The following NDUFA9 variants were observed in gnomAD, a reference collection of about 807,000 sequenced individuals.
NDUFA9 encodes NADH:ubiquinone oxidoreductase subunit A9, also known as NADH dehydrogenase [ubiquinone] 1 alpha subcomplex subunit 9, mitochondrial.
NDUFA9 carries 23 observed loss-of-function variants against 45.9 expected under a neutral mutation model. The observed-to-expected ratio is 0.50, with a 90% CI of 0.36 to 0.71. The LOEUF (loss-of-function observed/expected upper bound fraction) is 0.71, where lower values mean the gene tolerates loss of function less well. NDUFA9 is among the 30% of genes least tolerant of loss of function. The pLI, the probability that NDUFA9 is intolerant of heterozygous loss-of-function variation, is 0.00. For missense variants in NDUFA9, 466 were observed against 488.2 expected (o/e 0.95, Z 0.43); for synonymous variants, 176 against 170.5 (o/e 1.03, Z -0.25).
intron 6 of NDUFA9, 118 bp from the exon 7 acceptor site, chr12:4,668,339 T>C (rs1591546389): frequency 1.2e-6 from 1 of 815,168 alleles, no homozygotes; most frequent in East Asian, 2.6e-5. Flanking sequence ...TTCCTCAGAG[T>C]CAGCTACATT....
rs1945829343 is a variant in NDUFA9 at position 4,662,570 on chromosome 12, A to G, written c.590A>G (p.Glu197Gly). 1.2e-6 allele frequency: 2 copies of G among 1,613,878 alleles called. No homozygotes were observed. The highest frequency in any genetic ancestry group is 2.7e-5 in the African/African-American group (2 of 74,916). Residue 197 changes from glutamate to glycine, a missense_variant, in exon 6 of 11, where the codon GAA becomes GGA. Transcript: ENST00000266544. ...AAAGTAGTGAGAGATGCATTTCCGG[A>G]AGCCATTATCGTAAAGCCGTCGGAC... ...GEKVVRDAFP[E>G]AIIVKPSDIF...
chr12:4,657,775 A>G lies in NDUFA9; in HGVS notation c.346A>G (p.Ile116Val), dbSNP rs201327321. Residue 116 changes from isoleucine to valine, a missense_variant, in exon 4 of 11, where the codon ATC (isoleucine) becomes GTC (valine). Ile to Val is a conservative substitution (Grantham distance 29). Transcript: ENST00000266544. The part of the protein sequence containing the change: ...LEWDARDKDS[I>V]RRVVQHSNVV... ...ATGGGACGCGAGAGATAAAGATTCT[A>G]TCCGACGAGTAGTACAACACAGCAA... The G allele has an allele frequency of 8.1e-6, 13 of 1,613,664 alleles. No individual in the cohort carries two copies. The highest frequency in any genetic ancestry group is 2.2e-5 in the South Asian group (2 of 91,076).
intron 8 of NDUFA9, among the ~76,000 whole-genome samples, chr12:4,675,820 A>T (rs1178246126): frequency 1.3e-5 from 2 of 152,246 alleles, no homozygotes; most frequent in Non-Finnish European, 2.9e-5. Flanking sequence ...TGAGGCCAGC[A>T]TCATCCTAAT....
rs377339658 is a variant in NDUFA9 at position 4,685,757 on chromosome 12, A to G, written c.963+432A>G. Among the ~76,000 whole-genome samples, 75 of 151,886 alleles carry G rather than the reference A, an allele frequency of 4.9e-4. 1 individual carries two copies. The South Asian group carries it at 0.015, about 31-fold the overall frequency. ...GCTTTTATTCCCATTTCTCCCCTAA[A>G]ATTGCTCTTTTCAAGGTTATCCACA... On this transcript the variant is annotated intron_variant, in intron 10 of 10. Transcript: ENST00000266544.
At chr12:4,677,076 G>A (rs1945924232) in intron 8 of NDUFA9, among the ~76,000 whole-genome samples, 1 of 152,198 alleles carries the variant, frequency 6.6e-6, no homozygotes. Context: ...AATAAATGGT[G>A]TTGGGAAAAC....
intron 1 of NDUFA9, chr12:4,653,673 T>G (rs1486451870): frequency 2.3e-6 from 1 of 439,238 alleles, no homozygotes; most frequent in Non-Finnish European, 4.5e-6. Flanking sequence ...CTTCAGTGGT[T>G]TTATAGTAAG....
intron 8 of NDUFA9, among the ~76,000 whole-genome samples, chr12:4,673,177 A>G (rs1945898101): frequency 6.6e-6 from 1 of 152,198 alleles, no homozygotes; most frequent in African/African-American, 2.4e-5. Context: ...TATCAACATC[A>G]ACAAAAAGGA....
chr12:4,654,901 C>G lies in NDUFA9; in HGVS notation c.297C>G (p.Asp99Glu). The G allele has an allele frequency of 6.2e-7, 1 of 1,613,690 alleles. No individual in the cohort carries two copies. The highest frequency in any genetic ancestry group is 8.5e-7 in the Non-Finnish European group (1 of 1,179,818). ...TCATGCACCTTCGTCCCATGGGTGA[C>G]CTGGGCCAGCTTCTGTTTCTGGTAA... is the stretch of plus-strand genomic sequence containing the variant. ...YDIMHLRPMGDLGQLLFLEWD... is the reference protein window; with the variant it reads ...YDIMHLRPMGELGQLLFLEWD... Residue 99 changes from aspartate to glutamate, a missense_variant, in exon 3 of 11, where the codon GAC (aspartate) becomes GAG (glutamate). Physicochemically the swap from Asp to Glu is conservative, Grantham distance 45. Transcript: ENST00000266544.
chr12:4,688,616 G>A lies in NDUFA9; in HGVS notation c.*1508G>A, dbSNP rs1946001599. ...ATGAGAAGCACTGCCATACAGAAGA[G>A]CTGTATCAGAGTTCAGTGTGATCCC... On this transcript the variant is annotated 3_prime_UTR_variant, in exon 11 of 11. Transcript: ENST00000266544. 1 of 152,164 alleles carries A rather than the reference G, an allele frequency of 6.6e-6. No homozygotes were observed. The highest frequency in any genetic ancestry group is 1.5e-5 in the Non-Finnish European group (1 of 68,046). 9.4% of individuals were successfully genotyped at this position (152,164 alleles called of 1,614,324 possible). A position where few individuals can be genotyped will look rare whatever the true frequency, so the allele number is the denominator to read the frequency against.
intron 6 of NDUFA9, among the ~76,000 whole-genome samples, chr12:4,663,948 G>C (rs1591545066): frequency 6.6e-6 from 1 of 152,252 alleles, no homozygotes; most frequent in South Asian, 2.1e-4. Flanking sequence ...ATAATAAAAT[G>C]GCAAAGAAAT....
At position 4,686,922 on chromosome 12, in the gene NDUFA9, CTT is replaced by C. The variant is rs1454919773; in HGVS notation, c.964-14_964-13del. On this transcript the variant is annotated splice_polypyrimidine_tract_variant and intron_variant, in intron 10 of 10. Transcript: ENST00000266544. ...CCAGTTTTCAGCATTGTCTGTGGTC[CTT>C]TGTTTATCCAAAGATGCACATCACA... 6.2e-7 allele frequency: 1 copy of C among 1,611,962 alleles called. No homozygotes were observed. Among genetic ancestry groups the C allele is most frequent in the Admixed American group, 1.7e-5 (1 of 59,912 alleles).
At chr12:4,659,267 C>T in intron 5 of NDUFA9, 90 bp downstream of exon 5, 1 of 1,173,738 alleles carries the variant, frequency 8.5e-7, no homozygotes, top group South Asian at 1.5e-5. Context: ...GGGTTTATCA[C>T]AGACATATGT....
chr12:4,670,980 T>C (rs963110439), intron 8 of NDUFA9, among the ~76,000 whole-genome samples: 2 of 152,208 alleles, frequency 1.3e-5, no homozygotes, highest in African/African-American at 4.8e-5. Flanking sequence ...TTGTCTGGGC[T>C]CCAGTAAGTC....
At chr12:4,674,824 T>C (rs1479001103) in intron 8 of NDUFA9, among the ~76,000 whole-genome samples, 1 of 152,228 alleles carries the variant, frequency 6.6e-6, no homozygotes, top group African/African-American at 2.4e-5. Context: ...GTGGACCTAA[T>C]AGACGTCTAC....
At position 4,668,444 on chromosome 12, in the gene NDUFA9, T is replaced by A; in HGVS notation, c.656-13T>A. ...AGCCTTCTCAGTATAGTTCTCATTC[T>A]TTCTTCCGCTAGGTATGCATCGGTT... On this transcript the variant is annotated splice_polypyrimidine_tract_variant and intron_variant, in intron 6 of 10. Transcript: ENST00000266544. 1 of 1,610,464 alleles carries A rather than the reference T, an allele frequency of 6.2e-7. No individual in the cohort carries two copies. The highest frequency in any genetic ancestry group is 1.1e-5 in the South Asian group (1 of 90,986).
chr12:4,673,635 G>T (rs1945901290), intron 8 of NDUFA9, among the ~76,000 whole-genome samples: 1 of 152,080 alleles, frequency 6.6e-6, no homozygotes, highest in African/African-American at 2.4e-5. Flanking sequence ...AGACAAAAGA[G>T]TGAAAAGAAA....
chr12:4,663,031 T>C (rs1011712160), intron 6 of NDUFA9, among the ~76,000 whole-genome samples: 1 of 152,214 alleles, frequency 6.6e-6, no homozygotes, highest in Non-Finnish European at 1.5e-5. Flanking sequence ...ATTGTCTCTA[T>C]AGTTTTGCCT....
At chr12:4,678,064 G>A (rs1020408233) in intron 8 of NDUFA9, among the ~76,000 whole-genome samples, 2 of 152,134 alleles carry the variant, frequency 1.3e-5, no homozygotes, top group African/African-American at 2.4e-5. Flanking sequence ...AACACCATAT[G>A]TTCTCACTTA....
At position 4,685,146 on chromosome 12, in the gene NDUFA9, A is replaced by C. The variant is rs768881643; in HGVS notation, c.897-113A>C. The C allele has an allele frequency of 1.4e-5, 13 of 938,378 alleles. No individual in the cohort carries two copies. The East Asian group carries it at 2.8e-4, about 20-fold the overall frequency. 58.1% of individuals were successfully genotyped at this position (938,378 alleles called of 1,614,324 possible). On this transcript the variant is annotated intron_variant, in intron 9 of 10. Coordinates refer to ENST00000266544, the MANE Select transcript of NDUFA9 (RefSeq NM_005002.5). Reference sequence around the variant, plus strand: ...GGTGGTTATTTTCTTAAAAAAAAAAAATCAGTTCAGACTGCTCTACAGCGG... The same window carrying C: ...GGTGGTTATTTTCTTAAAAAAAAAACATCAGTTCAGACTGCTCTACAGCGG...
Sources: allele counts gnomAD v4.1 joint callset (sites outside exome capture counted in the v4.1 genomes callset), GRCh38; gene constraint gnomAD v4.1.1; transcripts MANE v1.5; gene names NCBI Gene and HGNC (gene_info 2026-07-23, HGNC 2026-07-21).